The following EDC3 variants were observed in gnomAD, a reference collection of about 807,000 sequenced individuals.
EDC3 encodes the protein enhancer of mRNA-decapping protein 3.
Under a neutral mutation model 41.8 loss-of-function variants are expected in EDC3, and 20 were observed. That is an observed-to-expected ratio of 0.48 (90% CI 0.34 to 0.70). The LOEUF is 0.70. Among genes scored for constraint, EDC3 ranks in the 30% least tolerant of loss-of-function variants. EDC3 has a pLI of 0.01. For synonymous variants in EDC3, 206 were observed against 243.2 expected, an observed-to-expected ratio of 0.85 and a Z score of 1.42; for missense variants, 444 against 636.8, an observed-to-expected ratio of 0.70 and a Z score of 3.26.
intron 1 of EDC3, among the ~76,000 whole-genome samples, chr15:74,684,777 C>T (rs2062916928): frequency 6.6e-6 from 1 of 152,038 alleles, no homozygotes; most frequent in African/African-American, 2.4e-5. Flanking sequence ...AGGATATATG[C>T]TCGATGTAGA....
intron 1 of EDC3, among the ~76,000 whole-genome samples, chr15:74,681,134 G>T (rs2062865957): frequency 6.6e-6 from 1 of 152,118 alleles, no homozygotes; most frequent in African/African-American, 2.4e-5. Flanking sequence ...TACAAGGAAA[G>T]GCAAAGAAAC....
rs143925363 is a variant in EDC3 at position 74,656,406 on chromosome 15, AACACAC to A, written c.485-344_485-339del. On this transcript the variant is annotated intron_variant, in intron 3 of 6. Coordinates refer to ENST00000315127, the MANE Select transcript of EDC3 (RefSeq NM_025083.5). ...GGCAAAGAGCAAGAATCTGTCTCAA[AACACAC>A]ACACACACACACACACACACACACA... Among the ~76,000 whole-genome samples the A allele has an allele frequency of 1.2e-4, 18 of 145,946 alleles. 1 individual carries two copies. Among genetic ancestry groups the A allele is most frequent in the East Asian group, 8.0e-4 (4 of 4,980 alleles).
At chr15:74,682,535 G>A (rs546627677) in intron 1 of EDC3, among the ~76,000 whole-genome samples, 3 of 143,620 alleles carry the variant, frequency 2.1e-5, no homozygotes, top group South Asian at 2.3e-4. Flanking sequence ...GGAGAATGGC[G>A]TGAACTGAAG....
intron 5 of EDC3, 76 bp from the exon 6 acceptor site, chr15:74,635,702 G>T: frequency 7.5e-7 from 1 of 1,339,154 alleles, no homozygotes; most frequent in Non-Finnish European, 1.0e-6. Context: ...ACAATTGCCT[G>T]TAGCACCTAT....
chr15:74,689,967 T>G (rs1221529210), intron 1 of EDC3, among the ~76,000 whole-genome samples: 1 of 152,250 alleles, frequency 6.6e-6, no homozygotes, highest in Non-Finnish European at 1.5e-5. Context: ...CTAGTGTAAG[T>G]TTGCTGACAG....
chr15:74,650,534 A>G (rs2062468541), intron 4 of EDC3, among the ~76,000 whole-genome samples: 1 of 152,066 alleles, frequency 6.6e-6, no homozygotes, highest in Non-Finnish European at 1.5e-5. Context: ...TAGTGCACTT[A>G]ATGTCCACAC....
chr15:74,640,390 T>C, intron 5 of EDC3, 76 bp downstream of exon 5: 2 of 1,514,124 alleles, frequency 1.3e-6, no homozygotes, highest in South Asian at 1.2e-5. Flanking sequence ...TATGTGTGTA[T>C]GGGAGGCACT....
At chr15:74,644,189 C>T (rs1230046775) in intron 4 of EDC3, 2 of 152,240 alleles carry the variant, frequency 1.3e-5, no homozygotes, top group African/African-American at 4.8e-5. Context: ...CTGTCTACCT[C>T]ACTACCTTTA....
At chr15:74,689,031 A>G (rs2062971354) in intron 1 of EDC3, among the ~76,000 whole-genome samples, 1 of 151,882 alleles carries the variant, frequency 6.6e-6, no homozygotes, top group Non-Finnish European at 1.5e-5. Context: ...TATCCATTCT[A>G]CTGCTGATAC....
intron 3 of EDC3, among the ~76,000 whole-genome samples, chr15:74,659,487 AATATATATAT>A (rs10601683): frequency 7.0e-6 from 1 of 142,196 alleles, no homozygotes; most frequent in African/African-American, 2.6e-5. Flanking sequence ...AAAAAATAGA[AATATATATAT>A]ATATATATAT....
chr15:74,683,630 T>C (rs927017985), intron 1 of EDC3, among the ~76,000 whole-genome samples: 4 of 152,112 alleles, frequency 2.6e-5, no homozygotes, highest in African/African-American at 9.7e-5. Flanking sequence ...TGCAAGATGT[T>C]ACCAACAGGG....
intron 2 of EDC3, among the ~76,000 whole-genome samples, chr15:74,673,893 AG>A (rs2062771197): frequency 6.6e-6 from 1 of 151,846 alleles, no homozygotes; most frequent in Non-Finnish European, 1.5e-5. Flanking sequence ...AGTACACAAG[AG>A]TTTGTCTAGA....
chr15:74,694,436 T>C (rs1196316695), intron 1 of EDC3, among the ~76,000 whole-genome samples: 1 of 152,184 alleles, frequency 6.6e-6, no homozygotes, highest in Admixed American at 6.5e-5. Flanking sequence ...GCCTCCCAAA[T>C]AGCTGGGATT....
chr15:74,642,542 G>A (rs1383166492), intron 4 of EDC3: 1 of 152,258 alleles, frequency 6.6e-6, no homozygotes, highest in Admixed American at 6.5e-5. Context: ...TGTCAGACAA[G>A]TCATGCACCT....
chr15:74,657,523 G>A (rs1372255389), intron 3 of EDC3, among the ~76,000 whole-genome samples: 1 of 152,230 alleles, frequency 6.6e-6, no homozygotes, highest in Non-Finnish European at 1.5e-5. Flanking sequence ...GGGCACCCCT[G>A]TCATGAGTCC....
chr15:74,647,253 A>G (rs1289557089), intron 4 of EDC3, among the ~76,000 whole-genome samples: 1 of 152,120 alleles, frequency 6.6e-6, no homozygotes. Flanking sequence ...CAAGTGATCC[A>G]TCTGCCTCAG....
At chr15:74,648,492 T>G (rs2062442695) in intron 4 of EDC3, among the ~76,000 whole-genome samples, 1 of 152,022 alleles carries the variant, frequency 6.6e-6, no homozygotes, top group African/African-American at 2.4e-5. Context: ...AAGAGTAGAG[T>G]CACAAAGCCA....
chr15:74,656,135 A>G (rs1209115599), intron 3 of EDC3, 67 bp from the exon 4 acceptor site: 6 of 1,419,280 alleles, frequency 4.2e-6, no homozygotes, highest in Non-Finnish European at 4.8e-6. Context: ...TGGAAAATAC[A>G]TTAGTCTTTT....
chr15:74,668,356 T>C (rs2062700181), intron 3 of EDC3, among the ~76,000 whole-genome samples: 1 of 152,166 alleles, frequency 6.6e-6, no homozygotes, highest in African/African-American at 2.4e-5. Context: ...TCAATAATTA[T>C]AACAAGTATA....
Sources: gnomAD v4.1 joint callset for allele counts (sites outside exome capture counted in the v4.1 genomes callset) on GRCh38, gnomAD v4.1.1 for gene constraint, MANE v1.5 for transcripts, NCBI Gene and HGNC (gene_info 2026-07-23, HGNC 2026-07-21) for gene names.